The following NOP2 variants were observed in gnomAD, a reference collection of about 807,000 sequenced individuals.
NOP2 encodes the protein 28S rRNA (cytosine(4447)-C(5))-methyltransferase.
NOP2 carries 7 observed loss-of-function variants against 72.7 expected under a neutral mutation model. The observed-to-expected ratio is 0.10, with a 90% CI of 0.05 to 0.18. NOP2 has a LOEUF of 0.18. Among genes scored for constraint, NOP2 ranks in the 10% least tolerant of loss-of-function variants. The probability of loss-of-function intolerance (pLI) is 1.00; values close to 1 mark genes in which losing one functional copy is unlikely to be tolerated. For synonymous variants in NOP2, 387 were observed against 388.0 expected (o/e 1.00, Z 0.03); for missense variants, 954 against 1,014.7 (o/e 0.94, Z 0.81).
rs1046621523 is a variant in NOP2, at chr12:6,568,289, C to T, written c.-87G>A. The T allele has an allele frequency of 5.4e-6, 1 of 186,558 alleles. No homozygotes were observed. Among genetic ancestry groups the T allele is most frequent in the African/African-American group, 2.4e-5 (1 of 42,434 alleles). The allele number at this position is 186,558 out of a possible 1,614,324, so 11.6% of individuals were successfully genotyped here. On this transcript the variant is annotated 5_prime_UTR_variant, in exon 1 of 16. Coordinates refer to ENST00000322166, the MANE Select transcript of NOP2 (RefSeq NM_001258308.2). ...GACCTAGCTTTCGGCCGGCACTCGC[C>T]ACAGAATCGTTCCACGCAGGCGCAC...
In NOP2 at chr12:6,560,419, C is replaced by T. The variant is rs757098622; in HGVS notation, c.1560+28G>A. On this transcript the variant is annotated intron_variant, in intron 14 of 15. Coordinates refer to ENST00000322166, the MANE Select transcript of NOP2 (RefSeq NM_001258308.2). This position sits in a 1 kb window ranked among gnomAD's most constrained non-coding sequence, Gnocchi z 5.0. The stretch of plus-strand genomic sequence containing the variant: ...GCAAAGAGCCCCCCAGCCCAGCCTC[C>T]CCTGCTCTGCCATGGCAGAGGTCTC... 9.4e-6 allele frequency: 15 copies of T among 1,592,268 alleles called. No homozygotes were observed. In the Admixed American group the frequency reaches 2.1e-4, roughly 22 times the overall value.
Position 6,556,872 on chromosome 12 carries a change from A to T in NOP2, c.*121T>A. The T allele has an allele frequency of 8.3e-7, 1 of 1,202,898 alleles. No homozygotes were observed. The highest frequency in any genetic ancestry group is 1.2e-6 in the Non-Finnish European group (1 of 857,876). 74.5% of individuals were successfully genotyped at this position (1,202,898 alleles called of 1,614,324 possible). On this transcript the variant is annotated 3_prime_UTR_variant, in exon 16 of 16. Coordinates refer to ENST00000322166, the MANE Select transcript of NOP2 (RefSeq NM_001258308.2). ...GTTCCCTCAAAAATACTCAGTGGCC[A>T]GAGGTTTTAAAATGTGTATTAAATT...
intron 2 of NOP2, among the ~76,000 whole-genome samples, chr12:6,567,264 A>G (rs1468310245): frequency 6.6e-6 from 1 of 152,200 alleles, no homozygotes; most frequent in East Asian, 1.9e-4. Flanking sequence ...ATTAAGCGAT[A>G]TAACATGACC....
chr12:6,557,512 T>C lies in NOP2; in HGVS notation c.1920A>G (p.Gln640=), dbSNP rs1044076055. The change falls in exon 16 of 16, where the codon CAA becomes CAG. Residue 640 remains glutamine, a synonymous_variant. Coordinates refer to ENST00000322166, the MANE Select transcript of NOP2 (RefSeq NM_001258308.2). The part of the protein sequence containing the change: ...AKTKQQLQKQ[Q]HPKKASFQKL... ...TCTGGAAGGAGGCCTTCTTGGGATG[T>C]TGCTGTTTCTGCAGCTGCTGCTTTG... The C allele has an allele frequency of 2.5e-6, 4 of 1,613,960 alleles. No homozygotes were observed. Among genetic ancestry groups the C allele is most frequent in the Admixed American group, 3.3e-5 (2 of 60,020 alleles).
rs751266561 is a variant in NOP2, at chr12:6,560,720, T to A, written c.1415A>T (p.Asp472Val). Reference protein sequence around the residue: ...PCSGTGVISKDPAVKTNKDEK... With the variant: ...PCSGTGVISKVPAVKTNKDEK... ...CACCTTGTTAGTCTTCACGGCTGGA[T>A]CCTTGGAGATGACCCCAGTGCCACT... is the stretch of plus-strand genomic sequence containing the variant. The change falls in exon 13 of 16, where the codon GAT becomes GTT. Residue 472 changes from aspartate to valine, a missense_variant. Physicochemically the swap from Asp to Val is radical, Grantham distance 152. Transcript: ENST00000322166. The surrounding 1 kb of genome is among the most constrained non-coding windows in gnomAD (Gnocchi z 5.0). 1 of 1,613,454 alleles carries A rather than the reference T, an allele frequency of 6.2e-7. No homozygotes were observed. Among genetic ancestry groups the A allele is most frequent in the South Asian group, 1.1e-5 (1 of 90,982 alleles).
chr12:6,563,276 G>A (rs1272389807), intron 8 of NOP2, 39 bp downstream of exon 8: 2 of 1,559,296 alleles, frequency 1.3e-6, no homozygotes, highest in East Asian at 2.4e-5. Flanking sequence ...AAGGAGGCGA[G>A]AAAAGAAAAG....
rs755587866 is a variant in NOP2 at position 6,566,328 on chromosome 12, C to A, written c.247G>T (p.Ala83Ser). Residue 83 changes from alanine to serine, a missense_variant, in exon 5 of 16, where the codon GCA becomes TCA. By Grantham distance (99) the Ala-to-Ser change is moderately conservative. Transcript: ENST00000322166. ...LPGKLPKGIS[A>S]GAVQTAGKKG... ...TTACCAGCTGTCTGGACAGCTCCTG[C>A]AGAGATCCCTAAGGGTTTGAAGAGT... 3.1e-6 allele frequency: 5 copies of A among 1,612,714 alleles called. No individual in the cohort carries two copies. The highest frequency in any genetic ancestry group is 2.2e-5 in the East Asian group (1 of 44,868).
chr12:6,563,239 G>A, intron 8 of NOP2, 69 bp from the exon 9 acceptor site: 3 of 1,548,058 alleles, frequency 1.9e-6, no homozygotes, highest in Middle Eastern at 1.7e-4. Context: ...GGGAGCAAGG[G>A]GGCCGAACAT....
In NOP2 at chr12:6,566,241, C is replaced by G. The variant is rs747309107; in HGVS notation, c.334G>C (p.Asp112His). 8.1e-6 allele frequency: 13 copies of G among 1,613,890 alleles called. No individual in the cohort carries two copies. Among genetic ancestry groups the G allele is most frequent in the Non-Finnish European group, 1.1e-5 (13 of 1,179,884 alleles). The change falls in exon 5 of 16, where the codon GAT (aspartate) becomes CAT (histidine). Residue 112 changes from aspartate to histidine, a missense_variant. Asp to His is a moderately conservative substitution (Grantham distance 81, BLOSUM62 -1). This residue lies in a region of NOP2 where 498 missense variants were observed against 478.3 expected (regional missense o/e 1.04). Coordinates refer to ENST00000322166, the MANE Select transcript of NOP2 (RefSeq NM_001258308.2). Reference sequence around the variant, plus strand: ...GAGTCTTCCTCCTCCTCTTCCTCATCACTGCCAGGTGCTGGGCGCTTCTTG... The same window carrying G: ...GAGTCTTCCTCCTCCTCTTCCTCATGACTGCCAGGTGCTGGGCGCTTCTTG... ...RGKKRPAPGS[D>H]EEEEEEDSEE...
rs1186192845 is a variant in NOP2, at chr12:6,559,430, ATTC to A, written c.1789+665_1789+667del. On this transcript the variant is annotated intron_variant, in intron 15 of 15. Coordinates refer to ENST00000322166, the MANE Select transcript of NOP2 (RefSeq NM_001258308.2). ...CACCGTGCCTGGCCACACCCAGCTA[ATTC>A]TTATATTTTTAGTAGAGACAGGGTT... 3.3e-5 allele frequency among the ~76,000 whole-genome samples: 5 copies of A among 152,144 alleles called. No individual in the cohort carries two copies. The East Asian group carries it at 9.7e-4, about 29-fold the overall frequency.
At position 6,557,081 on chromosome 12, in the gene NOP2, G is replaced by A. The variant is rs1428878266; in HGVS notation, c.2351C>T (p.Thr784Ile). Residue 784 changes from threonine to isoleucine, a missense_variant, in exon 16 of 16, where the codon ACT becomes ATT. Transcript: ENST00000322166. Reference protein sequence around the residue: ...NDTPKGPQPPTVSPIRSSRPP... With the variant: ...NDTPKGPQPPIVSPIRSSRPP... ...GCGGCTGGAACGGATGGGAGACACA[G>A]TGGGAGGCTGAGGCCCCTTGGGGGT... 3 of 1,613,872 alleles carry A rather than the reference G, an allele frequency of 1.9e-6. No homozygotes were observed. Among genetic ancestry groups the A allele is most frequent in the African/African-American group, 2.7e-5 (2 of 74,922 alleles).
At position 6,556,911 on chromosome 12, in the gene NOP2, C is replaced by T. The variant is rs905608170; in HGVS notation, c.*82G>A. On this transcript the variant is annotated 3_prime_UTR_variant, in exon 16 of 16. Coordinates refer to ENST00000322166, the MANE Select transcript of NOP2 (RefSeq NM_001258308.2). ...GTGTATTAAATTTCATGGGTATGCA[C>T]AGTAGAGAAGGCATCCTCACAGAGG... The T allele has an allele frequency of 3.0e-5, 45 of 1,495,394 alleles. No individual in the cohort carries two copies. Among genetic ancestry groups the T allele is most frequent in the Non-Finnish European group, 3.8e-5 (42 of 1,091,948 alleles). 92.6% of individuals were successfully genotyped at this position (1,495,394 alleles called of 1,614,324 possible).
chr12:6,558,477 C>T (rs1947563679), intron 15 of NOP2, among the ~76,000 whole-genome samples: 1 of 152,020 alleles, frequency 6.6e-6, no homozygotes, highest in Non-Finnish European at 1.5e-5. Flanking sequence ...TGTTGACCAG[C>T]TGGTCTTGAA....
chr12:6,561,988 ATTTTTTT>A lies in NOP2; in HGVS notation c.979-24_979-18del. On this transcript the variant is annotated intron_variant, in intron 9 of 15. Coordinates refer to ENST00000322166, the MANE Select transcript of NOP2 (RefSeq NM_001258308.2). Reference sequence around the variant, plus strand: ...GATTAGAGCCTGAAAAGGGATGAAGATTTTTTTTTTTTTTTTTTGAGATGGAGTCTCA... The same window carrying A: ...GATTAGAGCCTGAAAAGGGATGAAGATTTTTTTTTTTGAGATGGAGTCTCA... 1 of 1,324,980 alleles carries A rather than the reference ATTTTTTT, an allele frequency of 7.5e-7. No individual in the cohort carries two copies. The highest frequency in any genetic ancestry group is 1.0e-6 in the Non-Finnish European group (1 of 954,956). 82.1% of individuals were successfully genotyped at this position (1,324,980 alleles called of 1,614,324 possible).
intron 1 of NOP2, 44 bp from the exon 2 acceptor site, chr12:6,567,966 G>C (rs1238290079): frequency 6.7e-7 from 1 of 1,498,472 alleles, no homozygotes. Context: ...GCGCGTGTCG[G>C]AGGGAACGGC....
intron 2 of NOP2, among the ~76,000 whole-genome samples, chr12:6,567,187 T>C (rs1947803027): frequency 6.6e-6 from 1 of 152,182 alleles, no homozygotes. Flanking sequence ...GGACCTCAGG[T>C]GATCCACCTG....
Position 6,560,021 on chromosome 12 carries a change from C to G in NOP2, c.1789+77G>C. The G allele has an allele frequency of 9.2e-7, 1 of 1,082,598 alleles. No individual in the cohort carries two copies. The allele number at this position is 1,082,598 out of a possible 1,614,324, so 67.1% of individuals were successfully genotyped here. Reference sequence around the variant, plus strand: ...ATGCATGAATCTTTCCTTTCCCTTCCTCTTGTCACACCATAAAGCCTCCTG... The same window carrying G: ...ATGCATGAATCTTTCCTTTCCCTTCGTCTTGTCACACCATAAAGCCTCCTG... On this transcript the variant is annotated intron_variant, in intron 15 of 15. Transcript: ENST00000322166. The surrounding 1 kb of genome is among the most constrained non-coding windows in gnomAD (Gnocchi z 5.0).
At position 6,560,002 on chromosome 12, in the gene NOP2, G is replaced by T; in HGVS notation, c.1789+96C>A. On this transcript the variant is annotated intron_variant, in intron 15 of 15. Transcript: ENST00000322166. The surrounding 1 kb of genome is among the most constrained non-coding windows in gnomAD (Gnocchi z 5.0). ...GCAAAGGCTGGAGTAAGGGATGCAT[G>T]AATCTTTCCTTTCCCTTCCTCTTGT... The T allele has an allele frequency of 1.1e-6, 1 of 895,516 alleles. No individual in the cohort carries two copies. Among genetic ancestry groups the T allele is most frequent in the South Asian group, 1.6e-5 (1 of 63,664 alleles). 55.5% of individuals were successfully genotyped at this position (895,516 alleles called of 1,614,324 possible).
At position 6,563,377 on chromosome 12, in the gene NOP2, T is replaced by C; in HGVS notation, c.826A>G (p.Ile276Val). ...AGGAAGTCTCCATAGGAGTAGTAAATGGCCAGATCCTTCTTGAGCCGGTTC... is the reference window on the plus strand; with the variant it reads ...AGGAAGTCTCCATAGGAGTAGTAAACGGCCAGATCCTTCTTGAGCCGGTTC... ...YLNRLKKDLA[I>V]YYSYGDFLLG... The change falls in exon 8 of 16, where the codon ATT becomes GTT. Residue 276 changes from isoleucine to valine, a missense_variant. Around this residue, in one of 3 missense-constraint regions of NOP2, gnomAD observed 498 missense variants for 478.3 expected, o/e 1.04. Coordinates refer to ENST00000322166, the MANE Select transcript of NOP2 (RefSeq NM_001258308.2). The C allele has an allele frequency of 1.9e-6, 3 of 1,604,878 alleles. No homozygotes were observed. The highest frequency in any genetic ancestry group is 2.6e-6 in the Non-Finnish European group (3 of 1,175,710).
Sources: allele counts gnomAD v4.1 joint callset (sites outside exome capture counted in the v4.1 genomes callset), GRCh38; gene constraint gnomAD v4.1.1; regional missense constraint gnomAD v4.1.1; non-coding constraint Gnocchi (gnomAD v3.1); transcripts MANE v1.5; gene names NCBI Gene and HGNC (gene_info 2026-07-23, HGNC 2026-07-21).